DOP1B: variants seen among roughly 807,000 people sequenced by gnomAD.
The protein encoded by DOP1B is protein DOP1B.
In DOP1B, 174 loss-of-function variants were observed where a neutral mutation model predicts 233.5. The ratio of observed to expected loss-of-function variants is 0.75; its 90% CI spans 0.66 to 0.85. DOP1B has a LOEUF of 0.85. DOP1B is among the 40% of genes least tolerant of loss of function. DOP1B has a pLI of 0.00. For synonymous variants in DOP1B, 1,190 were observed against 1,185.6 expected, an observed-to-expected ratio of 1.00 and a Z score of -0.08; for missense variants, 2,652 against 2,846.6, an observed-to-expected ratio of 0.93 and a Z score of 1.56.
chr21:36,259,223 C>A (rs1266184181), intron 23 of DOP1B, among the ~76,000 whole-genome samples: 1 of 151,926 alleles, frequency 6.6e-6, no homozygotes, highest in Non-Finnish European at 1.5e-5. Context: ...CCTCGGCTTC[C>A]CAAAGTGCTG....
At chr21:36,184,757 A>G (rs1454491303) in intron 2 of DOP1B, among the ~76,000 whole-genome samples, 1 of 152,176 alleles carries the variant, frequency 6.6e-6, no homozygotes, top group East Asian at 1.9e-4. Context: ...CGTGCGCTTC[A>G]GGTGTGGGAG....
intron 27 of DOP1B, 53 bp downstream of exon 27, chr21:36,270,210 C>G: frequency 6.3e-7 from 1 of 1,579,434 alleles, no homozygotes; most frequent in Non-Finnish European, 8.6e-7. Flanking sequence ...GTGGTTCTGG[C>G]TTTTCCTTAA....
chr21:36,209,114 G>GT (rs1159914021), intron 5 of DOP1B, among the ~76,000 whole-genome samples: 3 of 151,994 alleles, frequency 2.0e-5, no homozygotes, highest in African/African-American at 4.8e-5. Flanking sequence ...ATGCATTAAG[G>GT]TTTTTTTTGT....
intron 18 of DOP1B, among the ~76,000 whole-genome samples, chr21:36,242,520 C>T (rs1284121535): frequency 6.6e-6 from 1 of 152,018 alleles, no homozygotes; most frequent in Admixed American, 6.6e-5. Flanking sequence ...GCCATGTTGG[C>T]TAGACTGGTC....
intron 27 of DOP1B, among the ~76,000 whole-genome samples, chr21:36,273,710 A>G (rs1452642489): frequency 6.6e-6 from 1 of 152,138 alleles, no homozygotes; most frequent in Non-Finnish European, 1.5e-5. Flanking sequence ...CTGGAGCTTC[A>G]TGAAAGTGGT....
chr21:36,212,517 G>T (rs1422848970), intron 7 of DOP1B, among the ~76,000 whole-genome samples: 1 of 152,150 alleles, frequency 6.6e-6, no homozygotes, highest in Non-Finnish European at 1.5e-5. Flanking sequence ...AATGTTTTGG[G>T]AGACATTTGG....
rs751420859 is a variant in DOP1B, at chr21:36,245,518, C to G, written c.3538C>G (p.Arg1180Gly). 1 of 1,613,258 alleles carries G rather than the reference C, an allele frequency of 6.2e-7. No individual in the cohort carries two copies. The highest frequency in any genetic ancestry group is 8.5e-7 in the Non-Finnish European group (1 of 1,180,036). The change falls in exon 19 of 37, where the codon CGG becomes GGG. Residue 1180 changes from arginine (R) to glycine (G), a missense_variant. Arg to Gly is a moderately radical substitution (Grantham distance 125). Around this residue, in one of 3 missense-constraint regions of DOP1B, gnomAD observed 2,617 missense variants for 2,794.3 expected, o/e 0.94. Transcript: ENST00000691173. This position sits in a 1 kb window ranked among gnomAD's most constrained non-coding sequence, Gnocchi z 5.5. ...GGCTGGGGCCAAGTTAAGCCTGGTG[C>G]GGGTGGACTCGGACAAGACGCAGGC... ...FKAGAKLSLV[R>G]VDSDKTQASE...
chr21:36,290,790 T>C (rs1039909965), intron 35 of DOP1B, among the ~76,000 whole-genome samples: 2 of 124,766 alleles, frequency 1.6e-5, no homozygotes, highest in Non-Finnish European at 3.3e-5. Context: ...AAAGCGAGAC[T>C]CCATCTCAAA....
intron 36 of DOP1B, among the ~76,000 whole-genome samples, chr21:36,292,508 T>TCAGCCTC (rs1357647941): frequency 6.6e-6 from 1 of 151,922 alleles, no homozygotes; most frequent in Non-Finnish European, 1.5e-5. Context: ...CACTGCAACC[T>TCAGCCTC]CAGCCTCCTG....
At chr21:36,163,306 C>T (rs532114674) in intron 1 of DOP1B, among the ~76,000 whole-genome samples, 30 of 143,988 alleles carry the variant, frequency 2.1e-4, no homozygotes, top group African/African-American at 7.1e-4. Context: ...ATTGCGCCAC[C>T]GCACTCCAGC....
chr21:36,213,105 C>G (rs111909726), intron 7 of DOP1B, among the ~76,000 whole-genome samples: 98 of 152,344 alleles, frequency 6.4e-4, no homozygotes, highest in African/African-American at 2.3e-3. Context: ...AAGATCTTAC[C>G]AAAGTCAAGA....
At chr21:36,169,946 C>T in intron 2 of DOP1B, 1 of 769,722 alleles carries the variant, frequency 1.3e-6, no homozygotes, top group Non-Finnish European at 2.4e-6. Flanking sequence ...GGTGTCTCCA[C>T]AGTAGTCATG....
At position 36,200,324 on chromosome 21, in the gene DOP1B, C is replaced by T; in HGVS notation, c.321-7C>T. ...TCTGCCCCGCTCCCTCTCGTTCTTT[C>T]TCGAAGCTGCGGGTTATTTCCTCTC... On this transcript the variant is annotated splice_region_variant and splice_polypyrimidine_tract_variant and intron_variant, in intron 3 of 36. Transcript: ENST00000691173. 1 of 1,580,854 alleles carries T rather than the reference C, an allele frequency of 6.3e-7. No individual in the cohort carries two copies. Among genetic ancestry groups the T allele is most frequent in the Non-Finnish European group, 8.6e-7 (1 of 1,162,760 alleles).
At chr21:36,262,928 A>G (rs2067188545) in intron 24 of DOP1B, among the ~76,000 whole-genome samples, 1 of 149,152 alleles carries the variant, frequency 6.7e-6, no homozygotes, top group Non-Finnish European at 1.5e-5. Flanking sequence ...AATAAATAAA[A>G]TAAAATAAAA....
Position 36,253,848 on chromosome 21 carries a change from C to A in DOP1B, c.5198C>A (p.Thr1733Lys). The change falls in exon 23 of 37, where the codon ACG (threonine) becomes AAG (lysine). Residue 1733 changes from threonine to lysine, a missense_variant. By Grantham distance (78) the Thr-to-Lys change is moderately conservative. This residue lies in a region of DOP1B where 2,617 missense variants were observed against 2,794.3 expected (regional missense o/e 0.94). Coordinates refer to ENST00000691173, the MANE Select transcript of DOP1B (RefSeq NM_001320714.2). ...VCALSTLQTD[T>K]LLHLVKEVVK... ...GCACTCAGCACCCTGCAGACTGACA[C>A]GCTGCTGCACCTGGTGAAGGAGGTG... The A allele has an allele frequency of 3.1e-6, 5 of 1,614,038 alleles. No homozygotes were observed. The highest frequency in any genetic ancestry group is 4.2e-6 in the Non-Finnish European group (5 of 1,179,998).
chr21:36,288,160 A>G lies in DOP1B; in HGVS notation c.6297+10A>G. 2 of 1,599,986 alleles carry G rather than the reference A, an allele frequency of 1.3e-6. No homozygotes were observed. Among genetic ancestry groups the G allele is most frequent in the Non-Finnish European group, 1.7e-6 (2 of 1,175,406 alleles). On this transcript the variant is annotated intron_variant, in intron 33 of 36. Transcript: ENST00000691173. ...AATGGTCTCTGAATTGGTGAGTACA[A>G]GTATTGTAAGTTTGAAAGCAAGGTT...
chr21:36,273,074 C>A (rs1270975931), intron 27 of DOP1B, among the ~76,000 whole-genome samples: 1 of 149,278 alleles, frequency 6.7e-6, no homozygotes, highest in Non-Finnish European at 1.5e-5. Context: ...TGCACTCCAG[C>A]CTGGGCGACA....
chr21:36,169,662 G>A lies in DOP1B; in HGVS notation c.138+4791G>A, dbSNP rs1014313662. The A allele has an allele frequency of 2.5e-5, 23 of 902,886 alleles. No individual in the cohort carries two copies. The Admixed American group carries it at 3.1e-4, about 12-fold the overall frequency. 55.9% of individuals were successfully genotyped at this position (902,886 alleles called of 1,614,324 possible). ...TCCATCAGCTGGGCCTTCTTCTGGC[G>A]CAGAGGAAGTAGGCGCGTCTGGGTG... is the stretch of plus-strand genomic sequence containing the variant. On this transcript the variant is annotated intron_variant, in intron 2 of 36. Coordinates refer to ENST00000691173, the MANE Select transcript of DOP1B (RefSeq NM_001320714.2).
intron 13 of DOP1B, 95 bp downstream of exon 13, chr21:36,227,972 A>T: frequency 7.9e-7 from 1 of 1,259,498 alleles, no homozygotes; most frequent in Non-Finnish European, 1.1e-6. Flanking sequence ...TAGGATAGGA[A>T]TAAAGATGAG....
Sources: gnomAD v4.1 joint callset for allele counts (sites outside exome capture counted in the v4.1 genomes callset) on GRCh38, gnomAD v4.1.1 for gene constraint, gnomAD v4.1.1 regional missense constraint, Gnocchi (gnomAD v3.1) non-coding constraint, MANE v1.5 for transcripts, NCBI Gene and HGNC (gene_info 2026-07-23, HGNC 2026-07-21) for gene names.